PARD3: variants seen among roughly 807,000 people sequenced by gnomAD.
The protein encoded by PARD3 is par-3 family cell polarity regulator.
Under a neutral mutation model 155.4 loss-of-function variants are expected in PARD3, and 75 were observed. The ratio of observed to expected loss-of-function variants is 0.48; its 90% CI spans 0.40 to 0.58. The LOEUF is 0.58. PARD3 is among the 20% of genes least tolerant of loss of function. The pLI is 0.00. For synonymous variants in PARD3, 576 were observed against 610.5 expected (o/e 0.94, Z 0.83); for missense variants, 1,642 against 1,721.7 (o/e 0.95, Z 0.82).
chr10:34,144,866 C>G lies in PARD3; in HGVS notation c.3420-13283G>C, dbSNP rs115489334. On this transcript the variant is annotated intron_variant, in intron 22 of 24. Transcript: ENST00000374788. The stretch of plus-strand genomic sequence containing the variant: ...TTTTTTTCCTGGAGCCCTCTAACCT[C>G]AAAAGCTCCCACCACATACGCCAAT... 3.7e-3 allele frequency among the ~76,000 whole-genome samples: 566 copies of G among 152,170 alleles called. 4 individuals carry two copies. Among genetic ancestry groups the G allele is most frequent in the African/African-American group, 0.013 (540 of 41,496 alleles).
At chr10:34,392,612 G>T (rs1842951389) in intron 7 of PARD3, among the ~76,000 whole-genome samples, 1 of 152,052 alleles carries the variant, frequency 6.6e-6, no homozygotes, top group African/African-American at 2.4e-5. Context: ...TAAGTCTTAT[G>T]ATTGACAAGT....
At chr10:34,519,820 A>AATAACATGAC (rs2082017158) in intron 2 of PARD3, among the ~76,000 whole-genome samples, 2 of 133,852 alleles carry the variant, frequency 1.5e-5, no homozygotes, top group South Asian at 2.8e-4. Context: ...TCTCAAAATA[A>AATAACATGAC]ATAACATAAC....
rs78382879 is a variant in PARD3, at chr10:34,684,519, G to A, written c.222+11799C>T. On this transcript the variant is annotated intron_variant, in intron 2 of 24. Coordinates refer to ENST00000374788, the MANE Select transcript of PARD3 (RefSeq NM_001184785.2). ...GCAACCTCGCAGCAGTCCCTACCTT[G>A]GTGAATGCCCCACCATCTCCACCCA... Among the ~76,000 whole-genome samples, 6 of 152,034 alleles carry A rather than the reference G, an allele frequency of 3.9e-5. No homozygotes were observed. The East Asian group carries it at 7.7e-4, about 20-fold the overall frequency.
chr10:34,384,366 T>C (rs1842139910), intron 7 of PARD3, 112 bp from the exon 8 acceptor site: 1 of 1,016,816 alleles, frequency 9.8e-7, no homozygotes, highest in Non-Finnish European at 1.4e-6. Flanking sequence ...CAAAGGAGCA[T>C]GTTAAAATGA....
At chr10:34,158,948 C>T (rs1449446801) in intron 22 of PARD3, among the ~76,000 whole-genome samples, 1 of 152,170 alleles carries the variant, frequency 6.6e-6, no homozygotes, top group African/African-American at 2.4e-5. Context: ...GACATTGATG[C>T]TGCCCATATC....
chr10:34,211,842 G>C (rs1306518651), intron 22 of PARD3, among the ~76,000 whole-genome samples: 1 of 152,024 alleles, frequency 6.6e-6, no homozygotes, highest in African/African-American at 2.4e-5. Context: ...CTCTCCCCAG[G>C]AGTCTCACTG....
chr10:34,189,917 C>G (rs1274472), intron 22 of PARD3, among the ~76,000 whole-genome samples: 66,312 of 152,104 alleles, frequency 0.44, 15,489 homozygotes, highest in Non-Finnish European at 0.53. Context: ...TGGAAAACTT[C>G]TGTCTACCAT....
chr10:34,786,595 C>CAGGCAT (rs1840990855), intron 1 of PARD3, among the ~76,000 whole-genome samples: 2 of 152,132 alleles, frequency 1.3e-5, no homozygotes, highest in Admixed American at 1.3e-4. Context: ...ACCACAGACC[C>CAGGCAT]AGGCATCTTA....
chr10:34,155,823 T>C (rs1308289942), intron 22 of PARD3, among the ~76,000 whole-genome samples: 2 of 152,038 alleles, frequency 1.3e-5, no homozygotes, highest in Non-Finnish European at 2.9e-5. Flanking sequence ...GCTCTGAGAA[T>C]TGAGCATCTA....
intron 1 of PARD3, among the ~76,000 whole-genome samples, chr10:34,784,485 G>A (rs1031517874): frequency 6.6e-6 from 1 of 151,688 alleles, no homozygotes; most frequent in Non-Finnish European, 1.5e-5. Context: ...TGTCGCCCAG[G>A]CTGGAGTGCA....
At chr10:34,344,298 T>C (rs1228684627) in intron 15 of PARD3, 11 of 683,220 alleles carry the variant, frequency 1.6e-5, no homozygotes, top group Non-Finnish European at 1.9e-5. Flanking sequence ...TTTTTTTTTT[T>C]TGGATATGGA....
Position 34,289,091 on chromosome 10 carries a change from G to A in PARD3, c.3066-4846C>T, listed in dbSNP as rs191674583. Reference sequence around the variant, plus strand: ...TCTTCCCACCTCAGCCTCCTGAGTAGCTGGGACTACAGGTGCATGGTACCT... The same window carrying A: ...TCTTCCCACCTCAGCCTCCTGAGTAACTGGGACTACAGGTGCATGGTACCT... On this transcript the variant is annotated intron_variant, in intron 20 of 24. Transcript: ENST00000374788. Among the ~76,000 whole-genome samples, 140 of 152,086 alleles carry A rather than the reference G, an allele frequency of 9.2e-4. 1 individual carries two copies. Among genetic ancestry groups the A allele is most frequent in the African/African-American group, 3.1e-3 (129 of 41,498 alleles).
At chr10:34,235,745 G>A (rs1953192557) in intron 22 of PARD3, among the ~76,000 whole-genome samples, 1 of 152,174 alleles carries the variant, frequency 6.6e-6, no homozygotes, top group Non-Finnish European at 1.5e-5. Context: ...GCATATGTAT[G>A]AAGAAGGAAG....
At chr10:34,190,678 G>C (rs1950665220) in intron 22 of PARD3, among the ~76,000 whole-genome samples, 1 of 152,054 alleles carries the variant, frequency 6.6e-6, no homozygotes, top group Admixed American at 6.5e-5. Flanking sequence ...GATACACCAG[G>C]AAACAACTCT....
intron 22 of PARD3, among the ~76,000 whole-genome samples, chr10:34,191,925 C>T (rs959978064): frequency 2.0e-5 from 3 of 152,136 alleles, no homozygotes; most frequent in Non-Finnish European, 4.4e-5. Context: ...CAAATAGAGA[C>T]TATAGGCTTA....
intron 21 of PARD3, among the ~76,000 whole-genome samples, chr10:34,273,731 T>C (rs1955744110): frequency 6.6e-6 from 1 of 152,194 alleles, no homozygotes; most frequent in Non-Finnish European, 1.5e-5. Context: ...ACTTAAAAGT[T>C]TTTTTAAAGA....
intron 2 of PARD3, among the ~76,000 whole-genome samples, chr10:34,587,680 A>G (rs2088222762): frequency 6.6e-6 from 1 of 152,184 alleles, no homozygotes; most frequent in African/African-American, 2.4e-5. Context: ...CTACAGTCTC[A>G]GGAGCAACTT....
intron 4 of PARD3, among the ~76,000 whole-genome samples, chr10:34,467,059 G>A (rs2078052586): frequency 6.6e-6 from 1 of 151,810 alleles, no homozygotes; most frequent in African/African-American, 2.4e-5. Context: ...ACTGCTCCAT[G>A]GAAGTAAAAA....
chr10:34,518,126 G>A (rs774121629), intron 2 of PARD3, among the ~76,000 whole-genome samples: 11 of 152,178 alleles, frequency 7.2e-5, no homozygotes, highest in South Asian at 2.1e-4. Context: ...TGTTCTGCCC[G>A]CCTCAGCCTC....
Sources: allele counts gnomAD v4.1 joint callset (sites outside exome capture counted in the v4.1 genomes callset), GRCh38; gene constraint gnomAD v4.1.1; transcripts MANE v1.5; gene names NCBI Gene and HGNC (gene_info 2026-07-23, HGNC 2026-07-21).